The following FYB2 variants were observed in gnomAD, a reference collection of about 807,000 sequenced individuals.
FYB2 encodes the protein FYN-binding protein 2.
Under a neutral mutation model 94.1 loss-of-function variants are expected in FYB2, and 103 were observed. That is an observed-to-expected ratio of 1.09 (90% CI 0.93 to 1.29). The LOEUF (loss-of-function observed/expected upper bound fraction) is 1.29, where lower values mean the gene tolerates loss of function less well. Ranked by LOEUF, FYB2 falls within the 50% of genes most tolerant of loss-of-function variation. The probability of loss-of-function intolerance (pLI) is 0.00; values close to 1 mark genes in which losing one functional copy is unlikely to be tolerated. For synonymous variants in FYB2, 293 were observed against 287.9 expected (o/e 1.02, Z -0.18); for missense variants, 896 against 841.5 (o/e 1.06, Z -0.80).
intron 1 of FYB2, among the ~76,000 whole-genome samples, chr1:56,816,962 C>T (rs1340245076): frequency 1.3e-5 from 2 of 151,810 alleles, no homozygotes; most frequent in African/African-American, 2.4e-5. Context: ...ATTGCTAAGA[C>T]TGGTCTGAGC....
At chr1:56,814,500 A>G (rs1244831091) in intron 1 of FYB2, among the ~76,000 whole-genome samples, 1 of 152,224 alleles carries the variant, frequency 6.6e-6, no homozygotes, top group Admixed American at 6.5e-5. Context: ...GCCCTCCAGT[A>G]GTACAGGTCA....
chr1:56,796,326 T>C (rs1646395978), intron 1 of FYB2, among the ~76,000 whole-genome samples: 1 of 152,136 alleles, frequency 6.6e-6, no homozygotes, highest in Non-Finnish European at 1.5e-5. Context: ...TGAAGATGGT[T>C]TGGGAGGTGG....
intron 1 of FYB2, among the ~76,000 whole-genome samples, chr1:56,796,663 C>T (rs145268706): frequency 6.6e-6 from 1 of 152,170 alleles, no homozygotes; most frequent in Admixed American, 6.5e-5. Context: ...TAAGACCCAT[C>T]CTAATCCCGA....
intron 5 of FYB2, among the ~76,000 whole-genome samples, chr1:56,759,168 T>C (rs544125612): frequency 1.3e-5 from 2 of 152,308 alleles, no homozygotes; most frequent in African/African-American, 4.8e-5. Context: ...CCATTTTTAT[T>C]TCCTTAAATA....
At chr1:56,778,845 GC>G (rs1323894876) in intron 4 of FYB2, among the ~76,000 whole-genome samples, 4 of 152,108 alleles carry the variant, frequency 2.6e-5, no homozygotes, top group Non-Finnish European at 4.4e-5. Context: ...CTTAATGAGG[GC>G]AGACACTTTG....
chr1:56,818,152 C>G (rs1646927120), intron 1 of FYB2, among the ~76,000 whole-genome samples: 1 of 152,068 alleles, frequency 6.6e-6, no homozygotes, highest in Non-Finnish European at 1.5e-5. Flanking sequence ...GGAGGAGTTT[C>G]TTAAAAATTG....
chr1:56,798,441 G>T (rs1198314046), intron 1 of FYB2, among the ~76,000 whole-genome samples: 7 of 152,172 alleles, frequency 4.6e-5, no homozygotes. Context: ...TGGAAATTAA[G>T]CAAGGAGGAA....
chr1:56,785,808 G>A (rs952009606), intron 4 of FYB2, among the ~76,000 whole-genome samples: 53 of 152,134 alleles, frequency 3.5e-4, no homozygotes, highest in African/African-American at 1.2e-3. Flanking sequence ...CATTTCAAAT[G>A]TTTCCTCTTC....
intron 5 of FYB2, among the ~76,000 whole-genome samples, chr1:56,767,291 C>T (rs1034063716): frequency 6.6e-6 from 1 of 152,172 alleles, no homozygotes; most frequent in African/African-American, 2.4e-5. Context: ...TCTTTACTCA[C>T]AAAAATGTCC....
intron 16 of FYB2, among the ~76,000 whole-genome samples, 158 bp from the exon 17 acceptor site, chr1:56,723,839 G>C (rs1019409099): frequency 6.9e-6 from 1 of 145,754 alleles, no homozygotes; most frequent in Admixed American, 6.7e-5. Flanking sequence ...ATCTGTATTT[G>C]TGTATATGTA....
intron 5 of FYB2, chr1:56,761,947 T>C (rs928912876): frequency 1.3e-5 from 2 of 152,208 alleles, no homozygotes; most frequent in African/African-American, 4.8e-5. Context: ...CGTTTACCTA[T>C]GGCAATTGGT....
chr1:56,799,688 T>C (rs1354800944), intron 1 of FYB2, among the ~76,000 whole-genome samples: 3 of 152,164 alleles, frequency 2.0e-5, no homozygotes, highest in Admixed American at 1.3e-4. Context: ...TGATAATAAA[T>C]TCTGTGTCAA....
chr1:56,736,839 T>A (rs1208376581), intron 15 of FYB2, among the ~76,000 whole-genome samples: 1 of 152,138 alleles, frequency 6.6e-6, no homozygotes, highest in Non-Finnish European at 1.5e-5. Flanking sequence ...GAAATGAGTT[T>A]CAAGTCTGAA....
At chr1:56,741,109 G>A (rs1399956690) in intron 12 of FYB2, among the ~76,000 whole-genome samples, 1 of 151,908 alleles carries the variant, frequency 6.6e-6, no homozygotes, top group Non-Finnish European at 1.5e-5. Context: ...GTACCTCTGA[G>A]TCCATAAAAA....
chr1:56,734,210 G>T (rs1410854443), intron 15 of FYB2, among the ~76,000 whole-genome samples: 1 of 152,084 alleles, frequency 6.6e-6, no homozygotes, highest in Non-Finnish European at 1.5e-5. Flanking sequence ...TTTAAAGTCT[G>T]TTTTATCTGA....
upstream of FYB2, among the ~76,000 whole-genome samples, chr1:56,822,994 T>C (rs547316424): frequency 6.6e-6 from 1 of 152,310 alleles, no homozygotes; most frequent in South Asian, 2.1e-4. Context: ...GTATAATTTA[T>C]ATCCTGACTG....
chr1:56,766,446 T>A (rs1645624909), intron 5 of FYB2, among the ~76,000 whole-genome samples: 1 of 152,086 alleles, frequency 6.6e-6, no homozygotes, highest in African/African-American at 2.4e-5. Flanking sequence ...TTTTTCTTTT[T>A]TTTTTGAGAC....
chr1:56,757,876 C>T (rs1490468343), intron 6 of FYB2, among the ~76,000 whole-genome samples: 25 of 150,730 alleles, frequency 1.7e-4, no homozygotes, highest in African/African-American at 5.6e-4. Context: ...CTTAAACGGT[C>T]CTCCTGCCTC....
At chr1:56,825,275 C>T in the FYB2 span, 36 of 152,186 alleles carry the variant, frequency 2.4e-4, no homozygotes, top group Admixed American at 2.4e-3. Context: ...AGGATTTCAT[C>T]AGGGCAGGAT....
Sources: allele counts gnomAD v4.1 joint callset (sites outside exome capture counted in the v4.1 genomes callset), GRCh38; gene constraint gnomAD v4.1.1; transcripts MANE v1.5; gene names NCBI Gene and HGNC (gene_info 2026-07-23, HGNC 2026-07-21).